COG3: variants seen among roughly 807,000 people sequenced by gnomAD.
COG3 encodes conserved oligomeric Golgi complex subunit 3.
In COG3, 32 loss-of-function variants were observed where a neutral mutation model predicts 114.1. The observed-to-expected ratio is 0.28, with a 90% CI of 0.21 to 0.38. The LOEUF is 0.38. Ranked by LOEUF, COG3 falls within the 10% of genes least tolerant of loss-of-function variation. The pLI, the probability that COG3 is intolerant of heterozygous loss-of-function variation, is 1.00. For synonymous variants in COG3, 352 were observed against 365.7 expected (o/e 0.96, Z 0.43); for missense variants, 813 against 973.2 (o/e 0.84, Z 2.19).
At position 45,529,911 on chromosome 13, in the gene COG3, C is replaced by T; in HGVS notation, c.2351C>T (p.Pro784Leu). Residue 784 changes from proline (P) to leucine (L), a missense_variant, in exon 21 of 23, where the codon CCT (proline) becomes CTT (leucine). This residue lies in a region of COG3 where 389 missense variants were observed against 542.6 expected (regional missense o/e 0.72). Coordinates refer to ENST00000349995, the MANE Select transcript of COG3 (RefSeq NM_031431.4). ...NKDTEFILFK[P>L]VRNNIQQVFQ... ...GATACCGAGTTCATCTTGTTTAAAC[C>T]TGTGAGGGTGAGTATCAGATAACTC... is the stretch of plus-strand genomic sequence containing the variant. 6.2e-7 allele frequency: 1 copy of T among 1,607,648 alleles called. No homozygotes were observed. Among genetic ancestry groups the T allele is most frequent in the Non-Finnish European group, 8.5e-7 (1 of 1,178,022 alleles).
chr13:45,471,691 G>T (rs1036904766), intron 1 of COG3, among the ~76,000 whole-genome samples: 1 of 148,710 alleles, frequency 6.7e-6, no homozygotes, highest in Non-Finnish European at 1.5e-5. Context: ...ATTTCTTGTA[G>T]TATAGGTCTG....
chr13:45,483,557 A>G (rs1886386329), intron 7 of COG3, among the ~76,000 whole-genome samples: 1 of 152,240 alleles, frequency 6.6e-6, no homozygotes, highest in Admixed American at 6.5e-5. Context: ...TTATTTTCAA[A>G]TAATGTTTAA....
At chr13:45,509,366 C>T (rs192301070) in intron 14 of COG3, among the ~76,000 whole-genome samples, 198 of 152,234 alleles carry the variant, frequency 1.3e-3, no homozygotes, top group African/African-American at 4.6e-3. Context: ...TGGCTGCATT[C>T]TATAATGTGA....
At chr13:45,511,724 G>A in intron 15 of COG3, 41 bp from the exon 16 acceptor site, 1 of 1,477,786 alleles carries the variant, frequency 6.8e-7, no homozygotes, top group Non-Finnish European at 9.4e-7. Flanking sequence ...TTTTTGTTTT[G>A]TCAAATGCCA....
intron 2 of COG3, among the ~76,000 whole-genome samples, chr13:45,478,373 G>T (rs1225778239): frequency 6.6e-6 from 1 of 151,458 alleles, no homozygotes; most frequent in African/African-American, 2.4e-5. Context: ...TAGAGACGGG[G>T]TTTCACCGTG....
chr13:45,480,449 T>G (rs993897113), intron 4 of COG3, among the ~76,000 whole-genome samples, 159 bp downstream of exon 4: 10 of 152,260 alleles, frequency 6.6e-5, no homozygotes. Context: ...GACAGCCTAC[T>G]TTTTAAGTGC....
At chr13:45,481,018 G>A (rs530749192) in intron 4 of COG3, among the ~76,000 whole-genome samples, 5 of 152,238 alleles carry the variant, frequency 3.3e-5, no homozygotes, top group Admixed American at 6.5e-5. Flanking sequence ...TTAAAAATGC[G>A]ATCATTTACT....
Position 45,480,210 on chromosome 13 carries a change from T to G in COG3, c.469T>G (p.Ser157Ala). 1.2e-6 allele frequency: 2 copies of G among 1,613,576 alleles called. No homozygotes were observed. The highest frequency in any genetic ancestry group is 1.7e-6 in the Non-Finnish European group (2 of 1,179,618). ...AAACAGTGCTCTTCAGCATCTGGAGTCTTTGCAGAAACAGTATCTTTTTGT... is the reference window on the plus strand; with the variant it reads ...AAACAGTGCTCTTCAGCATCTGGAGGCTTTGCAGAAACAGTATCTTTTTGT... ...DVNSALQHLE[S>A]LQKQYLFVSN... Residue 157 changes from serine (S) to alanine (A), a missense_variant, in exon 4 of 23, where the codon TCT becomes GCT. Physicochemically the swap from Ser to Ala is moderately conservative, Grantham distance 99 (BLOSUM62 1). This residue lies in a region of COG3 where 424 missense variants were observed against 430.6 expected (regional missense o/e 0.98). Coordinates refer to ENST00000349995, the MANE Select transcript of COG3 (RefSeq NM_031431.4).
intron 22 of COG3, chr13:45,534,483 G>A: frequency 2.5e-6 from 1 of 399,186 alleles, no homozygotes; most frequent in Non-Finnish European, 4.4e-6. Context: ...TTCTGTTTTT[G>A]GGGCTCTAAA....
chr13:45,488,638 T>C (rs1253896894), intron 8 of COG3, among the ~76,000 whole-genome samples: 2 of 151,958 alleles, frequency 1.3e-5, no homozygotes, highest in African/African-American at 4.8e-5. Context: ...ATTAATGCAT[T>C]GGTAGGATAT....
At chr13:45,522,045 T>A (rs1419278254) in intron 19 of COG3, among the ~76,000 whole-genome samples, 2 of 152,170 alleles carry the variant, frequency 1.3e-5, no homozygotes, top group African/African-American at 2.4e-5. Context: ...CCTCAAGGGA[T>A]CTGCTCTCCT....
At chr13:45,487,701 A>G (rs184841271) in intron 8 of COG3, among the ~76,000 whole-genome samples, 1 of 152,342 alleles carries the variant, frequency 6.6e-6, no homozygotes, top group Admixed American at 6.5e-5. Flanking sequence ...ATCTCACCCC[A>G]GTTAGAATGG....
At chr13:45,507,366 A>G (rs540353486) in intron 14 of COG3, among the ~76,000 whole-genome samples, 5 of 152,328 alleles carry the variant, frequency 3.3e-5, no homozygotes, top group Non-Finnish European at 7.3e-5. Context: ...CTCTTATGGA[A>G]GAAATTTAAA....
chr13:45,533,931 C>G (rs558335387), intron 22 of COG3, among the ~76,000 whole-genome samples: 2 of 152,324 alleles, frequency 1.3e-5, no homozygotes, highest in South Asian at 4.1e-4. Flanking sequence ...GGGTGATGAT[C>G]TGCATCAGCA....
intron 20 of COG3, among the ~76,000 whole-genome samples, chr13:45,527,371 TGA>T (rs1872787606): frequency 6.6e-6 from 1 of 152,204 alleles, no homozygotes; most frequent in Non-Finnish European, 1.5e-5. Flanking sequence ...AATATAGCAA[TGA>T]CAGTTCAGTT....
chr13:45,479,156 T>G (rs184072681), intron 3 of COG3, 90 bp downstream of exon 3: 1 of 940,348 alleles, frequency 1.1e-6, no homozygotes, highest in African/African-American at 1.7e-5. Flanking sequence ...TAAATAAAAC[T>G]GAGGTATTAA....
At chr13:45,468,282 TATCTC>T (rs1885268694) in intron 1 of COG3, among the ~76,000 whole-genome samples, 2 of 152,224 alleles carry the variant, frequency 1.3e-5, no homozygotes, top group Non-Finnish European at 2.9e-5. Context: ...GATGAGTACT[TATCTC>T]ATAGGGAATT....
intron 7 of COG3, among the ~76,000 whole-genome samples, chr13:45,483,876 A>G (rs75118394): frequency 1.3e-5 from 2 of 152,170 alleles, no homozygotes; most frequent in African/African-American, 4.8e-5. Context: ...TATATTAGGA[A>G]TTGTATAGAA....
intron 16 of COG3, 93 bp from the exon 17 acceptor site, chr13:45,516,050 A>AG: frequency 2.3e-6 from 2 of 878,986 alleles, no homozygotes; most frequent in Non-Finnish European, 3.2e-6. Flanking sequence ...CTGTAAACCT[A>AG]GGTAGATTAA....
Sources: allele counts gnomAD v4.1 joint callset (sites outside exome capture counted in the v4.1 genomes callset), GRCh38; gene constraint gnomAD v4.1.1; regional missense constraint gnomAD v4.1.1; transcripts MANE v1.5; gene names NCBI Gene and HGNC (gene_info 2026-07-23, HGNC 2026-07-21).